LRP1B: variants seen among roughly 807,000 people sequenced by gnomAD.
LRP1B encodes low-density lipoprotein receptor-related protein 1B.
Under a neutral mutation model 556.6 loss-of-function variants are expected in LRP1B, and 217 were observed. The ratio of observed to expected loss-of-function variants is 0.39; its 90% confidence interval spans 0.35 to 0.44. The LOEUF (loss-of-function observed/expected upper bound fraction) is 0.44, where lower values mean the gene tolerates loss of function less well. LRP1B is among the 20% of genes least tolerant of loss of function. The pLI is 1.00. For synonymous variants in LRP1B, 2,047 were observed against 1,865.8 expected (o/e 1.10, Z -2.50); for missense variants, 5,053 against 5,620.8 (o/e 0.90, Z 3.23).
intron 1 of LRP1B, among the ~76,000 whole-genome samples, chr2:141,999,148 C>G (rs10928132): frequency 6.6e-6 from 1 of 152,006 alleles, no homozygotes; most frequent in East Asian, 1.9e-4. Flanking sequence ...AAAAAATCTG[C>G]TTCATCAGTC....
chr2:141,558,830 A>AATATG (rs1686047557), intron 2 of LRP1B, among the ~76,000 whole-genome samples: 1 of 151,770 alleles, frequency 6.6e-6, no homozygotes, highest in Non-Finnish European at 1.5e-5. Context: ...AACAAAAATC[A>AATATG]ATATGCTGCT....
intron 1 of LRP1B, among the ~76,000 whole-genome samples, chr2:142,108,925 T>C (rs1417618989): frequency 1.3e-5 from 2 of 152,160 alleles, no homozygotes; most frequent in Admixed American, 6.6e-5. Flanking sequence ...ATTTGCTCTG[T>C]AGAATTTATT....
intron 27 of LRP1B, among the ~76,000 whole-genome samples, chr2:140,855,269 T>C (rs1692579648): frequency 1.3e-5 from 2 of 151,586 alleles, no homozygotes; most frequent in Admixed American, 1.3e-4. Flanking sequence ...CTGCATGGAT[T>C]GTTGCGCTAA....
intron 32 of LRP1B, among the ~76,000 whole-genome samples, chr2:140,807,238 G>A (rs1009757686): frequency 6.6e-6 from 1 of 152,138 alleles, no homozygotes; most frequent in Non-Finnish European, 1.5e-5. Context: ...TTACATAGCT[G>A]ACTGTATACT....
chr2:141,318,667 G>A (rs746172299), intron 3 of LRP1B, among the ~76,000 whole-genome samples: 1 of 152,066 alleles, frequency 6.6e-6, no homozygotes, highest in African/African-American at 2.4e-5. Flanking sequence ...AAATATGAAT[G>A]TCACTTCAAA....
Position 141,466,950 on chromosome 2 carries a change from G to GATATATATATATATAT in LRP1B, c.343+13430_343+13445dup, listed in dbSNP as rs59093011. Among the ~76,000 whole-genome samples the GATATATATATATATAT allele has an allele frequency of 2.3e-3, 322 of 140,766 alleles. 3 individuals are homozygous for GATATATATATATATAT. Among genetic ancestry groups the GATATATATATATATAT allele is most frequent in the African/African-American group, 7.7e-3 (282 of 36,842 alleles). 92.3% of individuals were successfully genotyped at this position (140,766 alleles called of 152,430 possible). On this transcript the variant is annotated intron_variant, in intron 3 of 90. Transcript: ENST00000389484. ...ATAAGTGAAAAGGAAGTGCTCAGGGGATATATATATATATATATATATCCC... is the reference window on the plus strand; with the variant it reads ...ATAAGTGAAAAGGAAGTGCTCAGGGGATATATATATATATATATATATATATATATATATATATCCC...
intron 1 of LRP1B, among the ~76,000 whole-genome samples, chr2:142,056,338 A>G (rs1228901256): frequency 6.6e-6 from 1 of 152,138 alleles, no homozygotes; most frequent in Non-Finnish European, 1.5e-5. Context: ...TAAAGGGCAA[A>G]CTAAAATTTC....
chr2:140,950,189 C>A (rs1351277192), intron 20 of LRP1B, 46 bp downstream of exon 20: 1 of 1,346,148 alleles, frequency 7.4e-7, no homozygotes, highest in Non-Finnish European at 1.0e-6. Context: ...TATTATTATG[C>A]ATCAACTTTT....
chr2:140,410,190 A>G (rs2105245386), intron 66 of LRP1B, among the ~76,000 whole-genome samples: 1 of 152,196 alleles, frequency 6.6e-6, no homozygotes, highest in Admixed American at 6.6e-5. Context: ...AAATTATAGA[A>G]TGTTAGTCTC....
intron 3 of LRP1B, among the ~76,000 whole-genome samples, chr2:141,457,696 T>C (rs930331462): frequency 3.3e-5 from 5 of 152,098 alleles, no homozygotes; most frequent in Non-Finnish European, 5.9e-5. Context: ...CAGAAATACA[T>C]AGCTGGATCT....
chr2:141,076,452 T>C (rs973569361), intron 7 of LRP1B, among the ~76,000 whole-genome samples: 1 of 152,230 alleles, frequency 6.6e-6, no homozygotes, highest in Non-Finnish European at 1.5e-5. Flanking sequence ...TTAAACTTTA[T>C]TGTGTATAAT....
chr2:140,999,360 T>C lies in LRP1B; in HGVS notation c.2504-5225A>G, dbSNP rs952194378. 2.0e-5 allele frequency among the ~76,000 whole-genome samples: 3 copies of C among 151,982 alleles called. No individual in the cohort carries two copies. In the East Asian group the frequency reaches 5.8e-4, roughly 29 times the overall value. The stretch of plus-strand genomic sequence containing the variant: ...AGTATAGACAAAATCCTCTTTCTTT[T>C]CCCTTTTATTGCATTGGGGTTACCT... On this transcript the variant is annotated intron_variant, in intron 15 of 90. Coordinates refer to ENST00000389484, the MANE Select transcript of LRP1B (RefSeq NM_018557.3).
intron 3 of LRP1B, among the ~76,000 whole-genome samples, chr2:141,441,914 T>C (rs1005302665): frequency 3.3e-5 from 5 of 152,370 alleles, no homozygotes; most frequent in African/African-American, 1.2e-4. Context: ...CTTGTTTCTA[T>C]GACATTCAAT....
chr2:140,356,798 A>G (rs1378406588), intron 74 of LRP1B, among the ~76,000 whole-genome samples: 1 of 151,754 alleles, frequency 6.6e-6, no homozygotes, highest in Non-Finnish European at 1.5e-5. Context: ...TTATAGTACG[A>G]TATATGAGTA....
chr2:141,882,702 A>G (rs1045059934), intron 1 of LRP1B, among the ~76,000 whole-genome samples: 8 of 152,030 alleles, frequency 5.3e-5, no homozygotes, highest in Non-Finnish European at 1.2e-4. Context: ...GTTGCTGAAT[A>G]AAAAACAGAA....
intron 20 of LRP1B, among the ~76,000 whole-genome samples, chr2:140,924,499 C>A (rs374425653): frequency 3.4e-4 from 52 of 151,970 alleles, no homozygotes; most frequent in African/African-American, 1.1e-3. Context: ...CTTGACCATA[C>A]ATCCTAAATA....
chr2:140,405,101 T>C (rs1573899416), intron 66 of LRP1B, among the ~76,000 whole-genome samples: 1 of 152,118 alleles, frequency 6.6e-6, no homozygotes, highest in Non-Finnish European at 1.5e-5. Flanking sequence ...ATAAATTAAA[T>C]AATCTGCTCC....
chr2:140,952,081 G>GT, intron 18 of LRP1B, 141 bp from the exon 19 acceptor site: 1 of 637,552 alleles, frequency 1.6e-6, no homozygotes, highest in South Asian at 1.9e-5. Context: ...AACAAATACA[G>GT]TGACTATAAC....
chr2:141,462,648 C>T lies in LRP1B; in HGVS notation c.343+17748G>A, dbSNP rs112148011. On this transcript the variant is annotated intron_variant, in intron 3 of 90. Transcript: ENST00000389484. ...CACGTTTTGCACATGTATCTCAGAA[C>T]TCAAAAAAATAAAAAAATTAATAAA... is the stretch of plus-strand genomic sequence containing the variant. 3.7e-3 allele frequency among the ~76,000 whole-genome samples: 568 copies of T among 151,776 alleles called. 3 individuals carry two copies. Among genetic ancestry groups the T allele is most frequent in the African/African-American group, 0.013 (528 of 41,222 alleles).
Sources: gnomAD v4.1 joint callset for allele counts (sites outside exome capture counted in the v4.1 genomes callset) on GRCh38, gnomAD v4.1.1 for gene constraint, MANE v1.5 for transcripts, NCBI Gene and HGNC (gene_info 2026-07-23, HGNC 2026-07-21) for gene names.